MROH1: variants seen among roughly 807,000 people sequenced by gnomAD.
The protein encoded by MROH1 is maestro heat like repeat family member 1.
Under a neutral mutation model 116.5 loss-of-function variants are expected in MROH1, and 117 were observed. The ratio of observed to expected loss-of-function variants is 1.00; its 90% CI spans 0.86 to 1.17. The LOEUF is 1.17. Among genes scored for constraint, MROH1 ranks in the 50% most tolerant of loss-of-function variants. The pLI, the probability that MROH1 is intolerant of heterozygous loss-of-function variation, is 0.00. For synonymous variants in MROH1, 921 were observed against 583.9 expected (o/e 1.58, Z -8.32); for missense variants, 1,873 against 1,338.5 (o/e 1.40, Z -6.23).
At chr8:144,245,371 C>A (rs1161253593) in intron 29 of MROH1, 111 bp downstream of exon 29, 18 of 700,412 alleles carry the variant, frequency 2.6e-5, no homozygotes, top group African/African-American at 1.9e-4. Flanking sequence ...AGGCCACAGT[C>A]CTCTTCCTTG....
intron 1 of MROH1, among the ~76,000 whole-genome samples, chr8:144,151,274 AC>A (rs1272923955): frequency 1.3e-5 from 2 of 148,426 alleles, no homozygotes; most frequent in African/African-American, 5.1e-5. Context: ...AAAAAAAAAA[AC>A]CTCCAAGATG....
At chr8:144,241,326 G>A (rs890328132) in intron 21 of MROH1, 69 bp from the exon 22 acceptor site, 12 of 720,044 alleles carry the variant, frequency 1.7e-5, no homozygotes, top group Middle Eastern at 3.6e-4. Flanking sequence ...GTGTCCACAC[G>A]TGACAGTGTG....
chr8:144,157,870 G>C (rs1326759756), intron 1 of MROH1, among the ~76,000 whole-genome samples: 1 of 150,798 alleles, frequency 6.6e-6, no homozygotes, highest in Non-Finnish European at 1.5e-5. Context: ...TAGAGATGGG[G>C]TTTTGCCATG....
intron 35 of MROH1, among the ~76,000 whole-genome samples, chr8:144,257,761 A>G (rs1844170148): frequency 6.6e-6 from 1 of 152,160 alleles, no homozygotes; most frequent in African/African-American, 2.4e-5. Context: ...TGGCACTGTC[A>G]CCACCACCAG....
chr8:144,237,388 C>T (rs917818774), intron 14 of MROH1, among the ~76,000 whole-genome samples: 4 of 152,222 alleles, frequency 2.6e-5, no homozygotes, highest in African/African-American at 7.2e-5. Context: ...CCCTTTCTGG[C>T]GCAGGACGGT....
intron 7 of MROH1, among the ~76,000 whole-genome samples, chr8:144,186,880 C>A (rs2131499987): frequency 6.6e-6 from 1 of 152,018 alleles, no homozygotes; most frequent in South Asian, 2.1e-4. Context: ...ATTGCCTGAG[C>A]TCAGGAGTTT....
intron 7 of MROH1, among the ~76,000 whole-genome samples, chr8:144,184,919 G>T (rs1480378691): frequency 2.6e-5 from 4 of 152,218 alleles, no homozygotes; most frequent in Non-Finnish European, 5.9e-5. Flanking sequence ...ACGCTATGGG[G>T]CTGGGGCAGA....
chr8:144,214,396 C>T (rs1834826078), intron 12 of MROH1: 1 of 152,256 alleles, frequency 6.6e-6, no homozygotes, highest in Admixed American at 6.5e-5. Flanking sequence ...TCCATTAGGA[C>T]ATAAGCTACT....
chr8:144,156,067 C>T (rs1176919343), intron 1 of MROH1, among the ~76,000 whole-genome samples: 1 of 151,650 alleles, frequency 6.6e-6, no homozygotes, highest in African/African-American at 2.4e-5. Flanking sequence ...GGAGAAACTC[C>T]GCCTGTACTA....
chr8:144,259,202 G>C, intron 36 of MROH1, 38 bp from the exon 37 acceptor site: 1 of 708,646 alleles, frequency 1.4e-6, no homozygotes, highest in Non-Finnish European at 2.6e-6. Context: ...GTTCAGCACA[G>C]CAACAGCCCC....
chr8:144,152,852 C>T (rs1817174289), intron 1 of MROH1, among the ~76,000 whole-genome samples: 1 of 152,006 alleles, frequency 6.6e-6, no homozygotes, highest in African/African-American at 2.4e-5. Flanking sequence ...TGGCCATGAC[C>T]TCATATACTT....
Position 144,243,954 on chromosome 8 carries a change from T to C in MROH1, c.2555+12T>C. The C allele has an allele frequency of 1.3e-6, 1 of 779,802 alleles. No homozygotes were observed. The highest frequency in any genetic ancestry group is 2.4e-6 in the Non-Finnish European group (1 of 417,478). 48.3% of individuals were successfully genotyped at this position (779,802 alleles called of 1,614,324 possible). A position where few individuals can be genotyped will look rare whatever the true frequency, so the allele number is the denominator to read the frequency against. On this transcript the variant is annotated intron_variant, in intron 26 of 43. Transcript: ENST00000326134. ...TGCACTTACTTGGTGTATCCTTTCC[T>C]GCCTCTGCACAGGCCCGTGCAGCTG...
chr8:144,211,930 G>A (rs1407957459), intron 12 of MROH1, among the ~76,000 whole-genome samples: 1 of 152,174 alleles, frequency 6.6e-6, no homozygotes, highest in African/African-American at 2.4e-5. Context: ...GCAGCCTCTT[G>A]AGATCTGAAT....
chr8:144,244,635 G>A (rs2133008910), intron 28 of MROH1, 96 bp downstream of exon 28: 2 of 706,338 alleles, frequency 2.8e-6, no homozygotes, highest in South Asian at 3.0e-5. Flanking sequence ...GCACCACAGG[G>A]ACAGTTTGGT....
In MROH1 at chr8:144,247,606, T is replaced by C; in HGVS notation, c.3047T>C (p.Leu1016Pro). ...TACCGCGATGACGTGGCGGAGCGGC[T>C]CCTCAGCCTCAAGGACGGCCTCGTG... ...RDYRDDVAERLLSLKDGLVHP... is the reference protein window; with the variant it reads ...RDYRDDVAERPLSLKDGLVHP... Residue 1016 changes from leucine (L) to proline (P), a missense_variant, in exon 31 of 44, where the codon CTC becomes CCC. Physicochemically the swap from Leu to Pro is moderately conservative, Grantham distance 98. Transcript: ENST00000326134. The C allele has an allele frequency of 1.3e-6, 1 of 772,302 alleles. No individual in the cohort carries two copies. Among genetic ancestry groups the C allele is most frequent in the Non-Finnish European group, 2.4e-6 (1 of 417,132 alleles). The allele number at this position is 772,302 out of a possible 1,614,324, so 47.8% of individuals were successfully genotyped here.
intron 20 of MROH1, 114 bp downstream of exon 20, chr8:144,240,791 G>C: frequency 1.5e-6 from 1 of 688,266 alleles, no homozygotes; most frequent in East Asian, 2.7e-5. Context: ...GCCTGGCAGA[G>C]CCTCCTTGTG....
At chr8:144,172,066 C>T (rs897679057) in intron 4 of MROH1, among the ~76,000 whole-genome samples, 27 of 152,198 alleles carry the variant, frequency 1.8e-4, no homozygotes, top group Non-Finnish European at 1.5e-5. Flanking sequence ...GGCATAGCAT[C>T]ACGTGATAGA....
chr8:144,221,286 T>G (rs1420403959), intron 13 of MROH1, among the ~76,000 whole-genome samples: 1 of 152,176 alleles, frequency 6.6e-6, no homozygotes, highest in Non-Finnish European at 1.5e-5. Context: ...CATGAGACCA[T>G]CTGGTGTGGC....
At position 144,180,382 on chromosome 8, in the gene MROH1, T is replaced by C; in HGVS notation, c.463+42T>C. 1.2e-6 allele frequency: 2 copies of C among 1,610,546 alleles called. No individual in the cohort carries two copies. The highest frequency in any genetic ancestry group is 1.7e-6 in the Non-Finnish European group (2 of 1,178,970). ...CTGCCCCAGGAGGAGCACGGGGCGC[T>C]GGAAGCCTTGGCGGAGGCCTTTGAC... On this transcript the variant is annotated intron_variant, in intron 6 of 43. Coordinates refer to ENST00000326134, the MANE Select transcript of MROH1 (RefSeq NM_032450.3). The surrounding 1 kb of genome is among the most constrained non-coding windows in gnomAD (Gnocchi z 7.4).
Sources: allele counts gnomAD v4.1 joint callset (sites outside exome capture counted in the v4.1 genomes callset), GRCh38; gene constraint gnomAD v4.1.1; non-coding constraint Gnocchi (gnomAD v3.1); transcripts MANE v1.5; gene names NCBI Gene and HGNC (gene_info 2026-07-23, HGNC 2026-07-21).